Variants in CLASP2 observed in about 807,000 individuals in gnomAD.
The protein encoded by CLASP2 is cytoplasmic linker associated protein 2, also known as CLIP-associating protein 2.
CLASP2 carries 47 observed loss-of-function variants against 194.4 expected under a neutral mutation model. The observed-to-expected ratio is 0.24, with a 90% confidence interval of 0.19 to 0.31. The LOEUF is 0.31. Ranked by LOEUF, CLASP2 falls within the 10% of genes least tolerant of loss-of-function variation. CLASP2 has a pLI of 1.00. For synonymous variants in CLASP2, 619 were observed against 633.5 expected, an observed-to-expected ratio of 0.98 and a Z score of 0.34; for missense variants, 1,445 against 1,823.6, an observed-to-expected ratio of 0.79 and a Z score of 3.78.
chr3:33,666,949 T>G (rs1029066196), intron 6 of CLASP2, among the ~76,000 whole-genome samples: 3 of 152,184 alleles, frequency 2.0e-5, no homozygotes, highest in Non-Finnish European at 4.4e-5. Context: ...GATCTGTATT[T>G]CCCTCATGGT....
Position 33,510,000 on chromosome 3 carries a change from A to G in CLASP2, c.4317+558T>C, listed in dbSNP as rs1350044537. ...GGAAATAATCCAAATATTTATCAACAGATGAACAGATTAACAATTTGTGGC... is the reference window on the plus strand; with the variant it reads ...GGAAATAATCCAAATATTTATCAACGGATGAACAGATTAACAATTTGTGGC... On this transcript the variant is annotated intron_variant, in intron 37 of 38. Coordinates refer to ENST00000682230, the MANE Select transcript of CLASP2 (RefSeq NM_001365631.1). Among the ~76,000 whole-genome samples the G allele has an allele frequency of 3.3e-5, 5 of 152,246 alleles. No homozygotes were observed. The East Asian group carries it at 9.6e-4, about 29-fold the overall frequency.
intron 6 of CLASP2, among the ~76,000 whole-genome samples, chr3:33,683,795 C>A (rs969586499): frequency 2.6e-5 from 4 of 151,552 alleles, no homozygotes; most frequent in Non-Finnish European, 5.9e-5. Flanking sequence ...CAAAAATCAG[C>A]CAGGTGTAGT....
In CLASP2 at chr3:33,616,201, C is replaced by T. The variant is rs2076131149; in HGVS notation, c.1317+3402G>A. ...AGAAAAAGTCAGCTGGGTGCAGGAG[C>T]TCACACTTGTAATCCCAGCTTCTTG... On this transcript the variant is annotated intron_variant, in intron 12 of 38. Coordinates refer to ENST00000682230, the MANE Select transcript of CLASP2 (RefSeq NM_001365631.1). Among the ~76,000 whole-genome samples the T allele has an allele frequency of 2.6e-5, 4 of 152,060 alleles. No individual in the cohort carries two copies. In the South Asian group the frequency reaches 6.2e-4, roughly 24 times the overall value.
chr3:33,689,451 T>C (rs1450696526), intron 3 of CLASP2, among the ~76,000 whole-genome samples: 1 of 152,024 alleles, frequency 6.6e-6, no homozygotes, highest in African/African-American at 2.4e-5. Flanking sequence ...GTGAAAAAAT[T>C]TTCTTCTGCT....
At chr3:33,589,093 GAAC>G (rs2068060049) in intron 21 of CLASP2, among the ~76,000 whole-genome samples, 1 of 151,754 alleles carries the variant, frequency 6.6e-6, no homozygotes, top group Non-Finnish European at 1.5e-5. Context: ...TACTCATAAG[GAAC>G]AACTACAATA....
intron 1 of CLASP2, among the ~76,000 whole-genome samples, chr3:33,701,256 A>T (rs2092351575): frequency 6.6e-6 from 1 of 152,262 alleles, no homozygotes; most frequent in African/African-American, 2.4e-5. Context: ...ATATTGAGTA[A>T]GAAAAATGAA....
intron 24 of CLASP2, among the ~76,000 whole-genome samples, chr3:33,575,804 CA>C (rs922144165): frequency 2.0e-5 from 3 of 151,968 alleles, no homozygotes; most frequent in Admixed American, 2.0e-4. Flanking sequence ...AATCCAGCCC[CA>C]AAGTAAAATA....
chr3:33,534,934 A>G (rs113780377), intron 34 of CLASP2, among the ~76,000 whole-genome samples: 3,897 of 152,298 alleles, frequency 0.026, 154 homozygotes, highest in African/African-American at 0.088. Flanking sequence ...ATGACCAAAT[A>G]AATTGTGTCT....
chr3:33,613,077 C>T (rs1368032976), intron 12 of CLASP2, among the ~76,000 whole-genome samples: 7 of 152,094 alleles, frequency 4.6e-5, no homozygotes, highest in Admixed American at 3.9e-4. Flanking sequence ...GTGATTAATT[C>T]CCTATTACCC....
At chr3:33,688,505 A>G in intron 3 of CLASP2, 137 bp from the exon 4 acceptor site, 1 of 668,350 alleles carries the variant, frequency 1.5e-6, no homozygotes, top group Non-Finnish European at 2.5e-6. Context: ...TTTCTCCACT[A>G]CTTACAAGTT....
chr3:33,566,595 T>C (rs537159156), intron 27 of CLASP2, 137 bp downstream of exon 27: 1 of 293,242 alleles, frequency 3.4e-6, no homozygotes, highest in African/African-American at 2.2e-5. Flanking sequence ...ATAGTTTGCA[T>C]AACTGCAAAT....
At chr3:33,690,938 G>A (rs1322550409) in intron 2 of CLASP2, among the ~76,000 whole-genome samples, 2 of 152,128 alleles carry the variant, frequency 1.3e-5, no homozygotes, top group Non-Finnish European at 2.9e-5. Flanking sequence ...GCAGGGGGTG[G>A]GGAGGATGGT....
intron 1 of CLASP2, among the ~76,000 whole-genome samples, chr3:33,713,995 C>T (rs1382601892): frequency 6.6e-6 from 1 of 152,136 alleles, no homozygotes; most frequent in African/African-American, 2.4e-5. Flanking sequence ...TCCCTAGGCT[C>T]AAGCACCTCC....
At chr3:33,672,144 A>G (rs1455918427) in intron 6 of CLASP2, among the ~76,000 whole-genome samples, 3 of 152,222 alleles carry the variant, frequency 2.0e-5, no homozygotes, top group Non-Finnish European at 2.9e-5. Context: ...TGCCTCCTCA[A>G]GTGGGTCCCT....
intron 1 of CLASP2, 65 bp downstream of exon 1, chr3:33,717,743 C>T (rs1047733972): frequency 4.5e-5 from 68 of 1,512,034 alleles, no homozygotes; most frequent in Non-Finnish European, 6.1e-5. Context: ...GCCCGGCGCT[C>T]GCGTCCGGGA....
intron 23 of CLASP2, among the ~76,000 whole-genome samples, chr3:33,576,577 C>A (rs2064938415): frequency 6.6e-6 from 1 of 152,148 alleles, no homozygotes; most frequent in African/African-American, 2.4e-5. Context: ...TGTAATCCAG[C>A]TCTATCAGTT....
chr3:33,566,093 T>C (rs996791475), intron 27 of CLASP2, among the ~76,000 whole-genome samples: 1 of 152,180 alleles, frequency 6.6e-6, no homozygotes, highest in Non-Finnish European at 1.5e-5. Context: ...ATATAAAACA[T>C]CTTACTTGAT....
At position 33,639,961 on chromosome 3, in the gene CLASP2, T is replaced by G. The variant is rs528748629; in HGVS notation, c.862+4796A>C. ...CATTAGATGGTTACTAATAACCATGTGATCTTGGGCACATCATTCAATGCT... is the reference window on the plus strand; with the variant it reads ...CATTAGATGGTTACTAATAACCATGGGATCTTGGGCACATCATTCAATGCT... On this transcript the variant is annotated intron_variant, in intron 8 of 38. Coordinates refer to ENST00000682230, the MANE Select transcript of CLASP2 (RefSeq NM_001365631.1). 1.4e-4 allele frequency among the ~76,000 whole-genome samples: 22 copies of G among 152,364 alleles called. 1 individual carries two copies. In the South Asian group the frequency reaches 4.3e-3, roughly 30 times the overall value.
chr3:33,612,562 A>T (rs1453361314), intron 12 of CLASP2, among the ~76,000 whole-genome samples: 2 of 152,212 alleles, frequency 1.3e-5, no homozygotes, highest in African/African-American at 4.8e-5. Context: ...CTAGAATTCA[A>T]GTAGAAGTTC....
Sources: gnomAD v4.1 joint callset for allele counts (sites outside exome capture counted in the v4.1 genomes callset) on GRCh38, gnomAD v4.1.1 for gene constraint, MANE v1.5 for transcripts, NCBI Gene and HGNC (gene_info 2026-07-23, HGNC 2026-07-21) for gene names.